RUNDC3B: variants seen among roughly 807,000 people sequenced by gnomAD.
RUNDC3B encodes RUN domain-containing protein 3B.
RUNDC3B carries 33 observed loss-of-function variants against 58.4 expected under a neutral mutation model. The ratio of observed to expected loss-of-function variants is 0.56; its 90% CI spans 0.43 to 0.75. RUNDC3B has a LOEUF of 0.75. Among genes scored for constraint, RUNDC3B ranks in the 30% least tolerant of loss-of-function variants. The pLI is 0.00. For synonymous variants in RUNDC3B, 193 were observed against 195.2 expected (o/e 0.99, Z 0.10); for missense variants, 501 against 535.7 (o/e 0.94, Z 0.64).
At chr7:87,649,199 A>T (rs1426491591) in intron 1 of RUNDC3B, among the ~76,000 whole-genome samples, 1 of 151,930 alleles carries the variant, frequency 6.6e-6, no homozygotes, top group Non-Finnish European at 1.5e-5. Context: ...TGATTTTGAT[A>T]GTGGTTATAT....
At chr7:87,634,805 A>G (rs1821599790) in intron 1 of RUNDC3B, among the ~76,000 whole-genome samples, 1 of 152,190 alleles carries the variant, frequency 6.6e-6, no homozygotes, top group Non-Finnish European at 1.5e-5. Flanking sequence ...TTTGAGTTTG[A>G]GTTTGGATTC....
At chr7:87,740,142 C>T (rs908125611) in intron 5 of RUNDC3B, among the ~76,000 whole-genome samples, 1 of 152,082 alleles carries the variant, frequency 6.6e-6, no homozygotes, top group African/African-American at 2.4e-5. Flanking sequence ...CATTCCCCAA[C>T]AGCCCCCTCC....
intron 8 of RUNDC3B, among the ~76,000 whole-genome samples, chr7:87,806,108 T>C (rs1270907796): frequency 4.6e-5 from 7 of 152,216 alleles, no homozygotes; most frequent in Admixed American, 4.6e-4. Context: ...TCACTAACTT[T>C]GGCCTATTTT....
intron 4 of RUNDC3B, among the ~76,000 whole-genome samples, chr7:87,728,294 C>G (rs1034083433): frequency 6.6e-6 from 1 of 152,202 alleles, no homozygotes; most frequent in Non-Finnish European, 1.5e-5. Flanking sequence ...CAAACTTTCT[C>G]TCATTCTCTG....
intron 8 of RUNDC3B, among the ~76,000 whole-genome samples, chr7:87,784,890 G>A (rs903902277): frequency 1.3e-5 from 2 of 152,040 alleles, no homozygotes; most frequent in Non-Finnish European, 2.9e-5. Flanking sequence ...TGCATAAAAG[G>A]TCCCCTCCTT....
At chr7:87,730,776 C>T (rs560407925) in intron 4 of RUNDC3B, among the ~76,000 whole-genome samples, 3 of 152,112 alleles carry the variant, frequency 2.0e-5, no homozygotes, top group South Asian at 2.1e-4. Flanking sequence ...GTTGTGCTGA[C>T]TTTGGATCTG....
intron 6 of RUNDC3B, among the ~76,000 whole-genome samples, chr7:87,755,730 A>T (rs1054159954): frequency 5.9e-5 from 9 of 152,214 alleles, no homozygotes; most frequent in Non-Finnish European, 1.3e-4. Flanking sequence ...TCAAAATAAT[A>T]AGAGCCATCT....
At chr7:87,786,649 G>T (rs911767922) in intron 8 of RUNDC3B, among the ~76,000 whole-genome samples, 2 of 151,388 alleles carry the variant, frequency 1.3e-5, no homozygotes, top group Non-Finnish European at 2.9e-5. Flanking sequence ...AAACAATACT[G>T]GTAGTTTAAA....
chr7:87,820,506 G>C (rs977312843), intron 10 of RUNDC3B, among the ~76,000 whole-genome samples: 3 of 152,076 alleles, frequency 2.0e-5, no homozygotes, highest in African/African-American at 7.2e-5. Context: ...CCAATCAATA[G>C]AAAAAGAGAG....
intron 4 of RUNDC3B, among the ~76,000 whole-genome samples, chr7:87,719,411 A>G (rs1830736912): frequency 6.6e-6 from 1 of 151,784 alleles, no homozygotes; most frequent in African/African-American, 2.4e-5. Flanking sequence ...AAAAATAAAC[A>G]TACAAAATAA....
At chr7:87,743,763 G>T (rs899795680) in intron 6 of RUNDC3B, among the ~76,000 whole-genome samples, 5 of 152,044 alleles carry the variant, frequency 3.3e-5, no homozygotes, top group African/African-American at 1.2e-4. Flanking sequence ...TCCTCTGTGG[G>T]TTGTCTTACT....
chr7:87,734,544 A>G (rs1369614000), intron 4 of RUNDC3B, among the ~76,000 whole-genome samples: 2 of 151,836 alleles, frequency 1.3e-5, no homozygotes, highest in African/African-American at 2.4e-5. Context: ...CTCCTACCTT[A>G]AAAAAAAGAT....
chr7:87,817,747 TA>T (rs1311379551), intron 10 of RUNDC3B, among the ~76,000 whole-genome samples: 1 of 152,212 alleles, frequency 6.6e-6, no homozygotes, highest in Admixed American at 6.5e-5. Context: ...CCATGCATTT[TA>T]TTATGATTCT....
intron 10 of RUNDC3B, among the ~76,000 whole-genome samples, chr7:87,824,424 G>A (rs1278931543): frequency 1.3e-5 from 2 of 152,174 alleles, no homozygotes; most frequent in Non-Finnish European, 2.9e-5. Context: ...CCATGATTGT[G>A]AGGCATCCCC....
chr7:87,694,205 G>A (rs1330271166), intron 2 of RUNDC3B, among the ~76,000 whole-genome samples: 1 of 151,828 alleles, frequency 6.6e-6, no homozygotes, highest in East Asian at 1.9e-4. Flanking sequence ...TTTAAGTGCT[G>A]TATAATAATA....
intron 1 of RUNDC3B, among the ~76,000 whole-genome samples, chr7:87,648,198 A>AG (rs1173352099): frequency 2.0e-5 from 3 of 151,846 alleles, no homozygotes; most frequent in East Asian, 1.9e-4. Flanking sequence ...AAAAAAAAAA[A>AG]AAAGAAAGAA....
intron 6 of RUNDC3B, among the ~76,000 whole-genome samples, chr7:87,742,474 A>G (rs1832381818): frequency 6.6e-6 from 1 of 152,044 alleles, no homozygotes; most frequent in Non-Finnish European, 1.5e-5. Flanking sequence ...TCCATTCCTG[A>G]GTTACTTCAC....
In RUNDC3B at chr7:87,717,682, A is replaced by G. The variant is rs902844386; in HGVS notation, c.458+7027A>G. On this transcript the variant is annotated intron_variant, in intron 4 of 10. Transcript: ENST00000394654. ...TAATTTCTCTATCAGGAAAAGAAAA[A>G]TTTATCAAGACACTTCCTCAAAATC... 3.9e-5 allele frequency among the ~76,000 whole-genome samples: 6 copies of G among 152,100 alleles called. No individual in the cohort carries two copies. In the East Asian group the frequency reaches 1.2e-3, roughly 29 times the overall value.
intron 8 of RUNDC3B, among the ~76,000 whole-genome samples, chr7:87,806,881 TG>T (rs1836464280): frequency 6.6e-6 from 1 of 152,146 alleles, no homozygotes; most frequent in Admixed American, 6.6e-5. Flanking sequence ...GAGAATCTCA[TG>T]GATTTTTTTA....
Sources: gnomAD v4.1 joint callset for allele counts (sites outside exome capture counted in the v4.1 genomes callset) on GRCh38, gnomAD v4.1.1 for gene constraint, MANE v1.5 for transcripts, NCBI Gene and HGNC (gene_info 2026-07-23, HGNC 2026-07-21) for gene names.